The following SLC35B3 variants were observed in gnomAD, a reference collection of about 807,000 sequenced individuals.
SLC35B3 encodes the protein solute carrier family 35 member B3.
SLC35B3 carries 35 observed loss-of-function variants against 44.1 expected under a neutral mutation model. The ratio of observed to expected loss-of-function variants is 0.79; its 90% confidence interval spans 0.61 to 1.05. The LOEUF is 1.05. Ranked by LOEUF, SLC35B3 falls within the 50% of genes least tolerant of loss-of-function variation. The pLI, the probability that SLC35B3 is intolerant of heterozygous loss-of-function variation, is 0.00. For synonymous variants in SLC35B3, 146 were observed against 167.3 expected, an observed-to-expected ratio of 0.87 and a Z score of 0.98; for missense variants, 414 against 476.4, an observed-to-expected ratio of 0.87 and a Z score of 1.22.
intron 4 of SLC35B3, among the ~76,000 whole-genome samples, chr6:8,424,654 G>T (rs147771138): frequency 6.6e-6 from 1 of 152,164 alleles, no homozygotes; most frequent in Non-Finnish European, 1.5e-5. Context: ...ATGTTACAAG[G>T]TATTCTTTGA....
chr6:8,428,430 A>G (rs567743199), intron 3 of SLC35B3, among the ~76,000 whole-genome samples: 1 of 152,328 alleles, frequency 6.6e-6, no homozygotes, highest in East Asian at 1.9e-4. Context: ...AATTGAATAA[A>G]TGAAGTGTAT....
chr6:8,430,839 A>G (rs1763909788), intron 2 of SLC35B3, among the ~76,000 whole-genome samples: 1 of 152,172 alleles, frequency 6.6e-6, no homozygotes. Flanking sequence ...TTGAGGCTGC[A>G]GTAATCTATG....
At chr6:8,425,253 A>G (rs1763307701) in intron 4 of SLC35B3, among the ~76,000 whole-genome samples, 1 of 152,162 alleles carries the variant, frequency 6.6e-6, no homozygotes, top group Admixed American at 6.5e-5. Context: ...ACCTACAAAG[A>G]TAGTATTAGT....
rs1284766780 is a variant in SLC35B3, at chr6:8,422,535, G to C, written c.509C>G (p.Pro170Arg). The change falls in exon 5 of 11, where the codon CCT (proline) becomes CGT (arginine). Residue 170 changes from proline to arginine, a missense_variant. By Grantham distance (103) the Pro-to-Arg change is moderately radical. Coordinates refer to ENST00000644923, the MANE Select transcript of SLC35B3 (RefSeq NM_001370476.2). ...GCAGCACTTGAAGATGACTTGGGTA[G>C]GGTAATTCAGGTAGCCCAAGGAAGT... 6.2e-7 allele frequency: 1 copy of C among 1,613,340 alleles called. No homozygotes were observed. The highest frequency in any genetic ancestry group is 1.7e-5 in the Admixed American group (1 of 59,996).
intron 4 of SLC35B3, among the ~76,000 whole-genome samples, chr6:8,424,724 T>TGAGGC: frequency 6.6e-6 from 1 of 152,342 alleles, no homozygotes; most frequent in East Asian, 1.9e-4. Context: ...TTAGCACGCA[T>TGAGGC]TACCACATAT....
rs1762128850 is a variant in SLC35B3 at position 8,413,354 on chromosome 6, C to G, written c.*195G>C. The G allele has an allele frequency of 4.1e-6, 2 of 491,000 alleles. No homozygotes were observed. The highest frequency in any genetic ancestry group is 6.4e-5 in the South Asian group (2 of 31,098). 30.4% of individuals were successfully genotyped at this position (491,000 alleles called of 1,614,324 possible). A position where few individuals can be genotyped will look rare whatever the true frequency, so the allele number is the denominator to read the frequency against. ...TGTAAAGTCTGCTAGACGTGGCTCT[C>G]TTGATTGCTTTGGAAGTCAGTCAAA... is the stretch of plus-strand genomic sequence containing the variant. On this transcript the variant is annotated 3_prime_UTR_variant, in exon 11 of 11. Coordinates refer to ENST00000644923, the MANE Select transcript of SLC35B3 (RefSeq NM_001370476.2).
chr6:8,413,348 G>C lies in SLC35B3; in HGVS notation c.*201C>G. On this transcript the variant is annotated 3_prime_UTR_variant, in exon 11 of 11. Transcript: ENST00000644923. ...TTTTATTGTAAAGTCTGCTAGACGT[G>C]GCTCTCTTGATTGCTTTGGAAGTCA... 2.1e-6 allele frequency: 1 copy of C among 478,694 alleles called. No homozygotes were observed. 29.7% of individuals were successfully genotyped at this position (478,694 alleles called of 1,614,324 possible). A position where few individuals can be genotyped will look rare whatever the true frequency, so the allele number is the denominator to read the frequency against.
In SLC35B3 at chr6:8,414,857, A is replaced by C. The variant is rs1762272415; in HGVS notation, c.1055+51T>G. 7 of 1,016,572 alleles carry C rather than the reference A, an allele frequency of 6.9e-6. No homozygotes were observed. The East Asian group carries it at 1.8e-4, about 26-fold the overall frequency. 63.0% of individuals were successfully genotyped at this position (1,016,572 alleles called of 1,614,324 possible). A position where few individuals can be genotyped will look rare whatever the true frequency, so the allele number is the denominator to read the frequency against. On this transcript the variant is annotated intron_variant, in intron 10 of 10. Coordinates refer to ENST00000644923, the MANE Select transcript of SLC35B3 (RefSeq NM_001370476.2). ...GAAATTAAGATTAAGAGGAAATGTG[A>C]AACACAGTATCTAAAAACTGAGAAA...
chr6:8,421,570 C>A (rs1298891337), intron 5 of SLC35B3, among the ~76,000 whole-genome samples: 1 of 152,230 alleles, frequency 6.6e-6, no homozygotes, highest in African/African-American at 2.4e-5. Flanking sequence ...AAACACCCGA[C>A]TATTAAAACA....
chr6:8,428,379 G>A (rs1763641539), intron 3 of SLC35B3, among the ~76,000 whole-genome samples: 1 of 151,970 alleles, frequency 6.6e-6, no homozygotes, highest in African/African-American at 2.4e-5. Context: ...TAGTTATCTG[G>A]TTTAATTTTA....
rs867053635 is a variant in SLC35B3, at chr6:8,432,178, C to T, written c.4-2021G>A. ...AATAAACTGATCCTTCCTCTTGATA[C>T]CCTCAAACTTCAGCTTGCAATCACT... On this transcript the variant is annotated intron_variant, in intron 2 of 10. Coordinates refer to ENST00000644923, the MANE Select transcript of SLC35B3 (RefSeq NM_001370476.2). The surrounding 1 kb of genome is among the most constrained non-coding windows in gnomAD (Gnocchi z 4.8). Among the ~76,000 whole-genome samples, 15 of 151,928 alleles carry T rather than the reference C, an allele frequency of 9.9e-5. No homozygotes were observed. Among genetic ancestry groups the T allele is most frequent in the Admixed American group, 5.2e-4 (8 of 15,250 alleles).
Position 8,428,078 on chromosome 6 carries a change from C to A in SLC35B3, c.298-20G>T. ...TAATTCCTGTCAAAAGACACATGAA[C>A]ACTGTTAAGTCCAAGGCAGCACACT... On this transcript the variant is annotated intron_variant, in intron 3 of 10. Transcript: ENST00000644923. 1 of 1,564,128 alleles carries A rather than the reference C, an allele frequency of 6.4e-7. No homozygotes were observed. Among genetic ancestry groups the A allele is most frequent in the Admixed American group, 1.9e-5 (1 of 52,978 alleles).
At chr6:8,431,837 C>T (rs1338258469) in intron 2 of SLC35B3, among the ~76,000 whole-genome samples, 2 of 152,144 alleles carry the variant, frequency 1.3e-5, no homozygotes, top group Non-Finnish European at 2.9e-5. Flanking sequence ...TTCAAATAAA[C>T]CCGGCCTTAC....
In SLC35B3 at chr6:8,429,904, GC is replaced by G; in HGVS notation, c.256del (p.Ala86LeufsTer8). 6.2e-7 allele frequency: 1 copy of G among 1,606,132 alleles called. No homozygotes were observed. Among genetic ancestry groups the G allele is most frequent in the South Asian group, 1.1e-5 (1 of 89,744 alleles). ...AATTAGGTAAAATACAAAAACTCCA[GC>G]AACACATATGAAAAACTGAGTAAGT... On this transcript the variant is annotated frameshift_variant, in exon 3 of 11. Transcript: ENST00000644923. LOFTEE classifies it high-confidence loss of function.
At chr6:8,414,327 A>G (rs1294904493) in intron 10 of SLC35B3, among the ~76,000 whole-genome samples, 2 of 152,182 alleles carry the variant, frequency 1.3e-5, no homozygotes, top group Non-Finnish European at 2.9e-5. Flanking sequence ...CCTGACCAAT[A>G]TAAGTTTAAA....
In SLC35B3 at chr6:8,420,943, G is replaced by T; in HGVS notation, c.575-115C>A. The T allele has an allele frequency of 1.5e-6, 1 of 686,534 alleles. No homozygotes were observed. Among genetic ancestry groups the T allele is most frequent in the Middle Eastern group, 2.8e-4 (1 of 3,542 alleles). The allele number at this position is 686,534 out of a possible 1,614,324, so 42.5% of individuals were successfully genotyped here. A position where few individuals can be genotyped will look rare whatever the true frequency, so the allele number is the denominator to read the frequency against. On this transcript the variant is annotated intron_variant, in intron 5 of 10. Transcript: ENST00000644923. This position sits in a 1 kb window ranked among gnomAD's most constrained non-coding sequence, Gnocchi z 4.4. ...TTTTTTTATATCCAATGCCAAAAACGTGAACACTTAGGTCAAGGCAGAAGA... is the reference window on the plus strand; with the variant it reads ...TTTTTTTATATCCAATGCCAAAAACTTGAACACTTAGGTCAAGGCAGAAGA...
chr6:8,423,473 T>C (rs1763127961), intron 4 of SLC35B3, among the ~76,000 whole-genome samples: 1 of 152,220 alleles, frequency 6.6e-6, no homozygotes, highest in South Asian at 2.1e-4. Flanking sequence ...TAAAGGAGAT[T>C]CTTAATTTAG....
In SLC35B3 at chr6:8,430,055, T is replaced by C; in HGVS notation, c.106A>G (p.Lys36Glu). 1 of 1,610,842 alleles carries C rather than the reference T, an allele frequency of 6.2e-7. No homozygotes were observed. The highest frequency in any genetic ancestry group is 8.5e-7 in the Non-Finnish European group (1 of 1,177,032). The change falls in exon 3 of 11, where the codon AAG (lysine) becomes GAG (glutamate). Residue 36 changes from lysine to glutamate, a missense_variant. Lys to Glu is a moderately conservative substitution (Grantham distance 56, BLOSUM62 1). Coordinates refer to ENST00000644923, the MANE Select transcript of SLC35B3 (RefSeq NM_001370476.2). ...ATATATTTCCTGGAATTGTTGAACT[T>C]GAGATCCATTGTTATTTTGCTGCAT... is the stretch of plus-strand genomic sequence containing the variant.
intron 4 of SLC35B3, among the ~76,000 whole-genome samples, chr6:8,425,235 C>T (rs1763305372): frequency 6.6e-6 from 1 of 152,130 alleles, no homozygotes; most frequent in Non-Finnish European, 1.5e-5. Flanking sequence ...ATCATTGTAT[C>T]ATTTTTCACC....
Sources: allele counts gnomAD v4.1 joint callset (sites outside exome capture counted in the v4.1 genomes callset), GRCh38; gene constraint gnomAD v4.1.1; non-coding constraint Gnocchi (gnomAD v3.1); transcripts MANE v1.5; gene names NCBI Gene and HGNC (gene_info 2026-07-23, HGNC 2026-07-21).